RPS6KC1: variants seen among roughly 807,000 people sequenced by gnomAD.
The protein encoded by RPS6KC1 is ribosomal protein S6 kinase C1, also known as inactive ribosomal protein S6 kinase delta-1.
In RPS6KC1, 54 loss-of-function variants were observed where a neutral mutation model predicts 103.8. The observed-to-expected ratio is 0.52, with a 90% CI of 0.42 to 0.65. RPS6KC1 has a LOEUF of 0.65. RPS6KC1 is among the 30% of genes least tolerant of loss of function. The pLI is 0.00. For synonymous variants in RPS6KC1, 439 were observed against 438.7 expected, an observed-to-expected ratio of 1.00 and a Z score of -0.01; for missense variants, 1,151 against 1,253.8, an observed-to-expected ratio of 0.92 and a Z score of 1.24.
At chr1:213,262,479 C>G (rs1292511257) in intron 13 of RPS6KC1, among the ~76,000 whole-genome samples, 1 of 152,118 alleles carries the variant, frequency 6.6e-6, no homozygotes, top group Non-Finnish European at 1.5e-5. Flanking sequence ...AATTTTATAA[C>G]TAAGGACGAC....
chr1:213,465,308 G>T, the RPS6KC1 span, among the ~76,000 whole-genome samples: 1 of 152,160 alleles, frequency 6.6e-6, no homozygotes, highest in South Asian at 2.1e-4. Context: ...GGGCTATCTT[G>T]TGGTTGCTGT....
chr1:213,408,404 G>T, the RPS6KC1 span, among the ~76,000 whole-genome samples: 4 of 152,196 alleles, frequency 2.6e-5, no homozygotes, highest in African/African-American at 9.7e-5. Context: ...TGGTTAGGCT[G>T]CAGTACCTAG....
the RPS6KC1 span, among the ~76,000 whole-genome samples, chr1:213,630,861 G>A: frequency 3.3e-5 from 5 of 152,174 alleles, no homozygotes; most frequent in African/African-American, 1.2e-4. Flanking sequence ...TGTTTTCCTG[G>A]GTATAAGCAG....
the RPS6KC1 span, among the ~76,000 whole-genome samples, chr1:213,814,219 C>A: frequency 6.6e-6 from 1 of 152,246 alleles, no homozygotes; most frequent in African/African-American, 2.4e-5. Flanking sequence ...AATACTCCTG[C>A]CTTCCGTGTC....
the RPS6KC1 span, among the ~76,000 whole-genome samples, chr1:213,809,866 A>G: frequency 5.3e-5 from 8 of 152,288 alleles, no homozygotes; most frequent in East Asian, 3.9e-4. Context: ...TTCTAAACCA[A>G]TTGTGATTAC....
chr1:213,123,855 C>T (rs78298652), intron 5 of RPS6KC1, among the ~76,000 whole-genome samples: 2,892 of 152,212 alleles, frequency 0.019, 95 homozygotes, highest in African/African-American at 0.064. Flanking sequence ...TATATAGTCA[C>T]CCATGAGAGA....
intron 14 of RPS6KC1, among the ~76,000 whole-genome samples, chr1:213,266,373 T>C (rs2094912108): frequency 6.6e-6 from 1 of 152,336 alleles, no homozygotes; most frequent in African/African-American, 2.4e-5. Context: ...TATATTGGAC[T>C]ACAAATGTTG....
the RPS6KC1 span, among the ~76,000 whole-genome samples, chr1:213,510,366 T>G: frequency 6.6e-6 from 1 of 152,228 alleles, no homozygotes; most frequent in Non-Finnish European, 1.5e-5. Flanking sequence ...TCTTTGTCAT[T>G]TAAGCTCATC....
At chr1:213,556,494 A>C in the RPS6KC1 span, among the ~76,000 whole-genome samples, 1 of 152,202 alleles carries the variant, frequency 6.6e-6, no homozygotes, top group African/African-American at 2.4e-5. Flanking sequence ...CAGAGGGAGC[A>C]GGCTTACCTA....
At chr1:213,797,355 C>T in the RPS6KC1 span, among the ~76,000 whole-genome samples, 2,907 of 152,098 alleles carry the variant, frequency 0.019, 109 homozygotes, top group African/African-American at 0.067. Flanking sequence ...GCAAATGAAC[C>T]CTGTGTTCAT....
the RPS6KC1 span, among the ~76,000 whole-genome samples, chr1:213,510,799 A>G: frequency 0.023 from 3,442 of 152,188 alleles, 96 homozygotes; most frequent in African/African-American, 0.068. Context: ...TGTTTTCCAG[A>G]CTTTCCCTAT....
the RPS6KC1 span, among the ~76,000 whole-genome samples, chr1:213,795,517 T>G: frequency 1.3e-5 from 2 of 152,154 alleles, no homozygotes; most frequent in African/African-American, 4.8e-5. Flanking sequence ...GTGTCACAGA[T>G]TTTTAAAAAA....
intron 4 of RPS6KC1, among the ~76,000 whole-genome samples, chr1:213,109,533 A>C (rs562230513): frequency 1.3e-5 from 2 of 152,286 alleles, no homozygotes; most frequent in African/African-American, 4.8e-5. Context: ...TTTTAATCTT[A>C]TGATGCTGTT....
intron 6 of RPS6KC1, among the ~76,000 whole-genome samples, chr1:213,146,889 T>C (rs1012268276): frequency 1.3e-5 from 2 of 152,210 alleles, no homozygotes; most frequent in African/African-American, 4.8e-5. Flanking sequence ...ATATAAGCCA[T>C]TTTAACTGGG....
At chr1:213,524,328 A>G in the RPS6KC1 span, among the ~76,000 whole-genome samples, 2 of 151,834 alleles carry the variant, frequency 1.3e-5, no homozygotes, top group African/African-American at 4.8e-5. Context: ...CAGCCCAGGC[A>G]GCTCAGTGGT....
At chr1:213,206,421 G>T (rs1558536247) in intron 8 of RPS6KC1, among the ~76,000 whole-genome samples, 1 of 152,146 alleles carries the variant, frequency 6.6e-6, no homozygotes, top group African/African-American at 2.4e-5. Flanking sequence ...ACTGTGTTAG[G>T]TGCTGGACAT....
At chr1:213,148,249 G>T (rs1255452015) in intron 6 of RPS6KC1, among the ~76,000 whole-genome samples, 1 of 152,140 alleles carries the variant, frequency 6.6e-6, no homozygotes, top group Non-Finnish European at 1.5e-5. Context: ...GGGCATCCTT[G>T]TCATGTTCCT....
the RPS6KC1 span, among the ~76,000 whole-genome samples, chr1:213,344,782 G>A: frequency 4.6e-5 from 7 of 152,070 alleles, no homozygotes; most frequent in South Asian, 2.1e-4. Flanking sequence ...TGATCCACCC[G>A]CCTCAGCCTC....
At chr1:213,143,305 T>C (rs770633730) in intron 6 of RPS6KC1, among the ~76,000 whole-genome samples, 3 of 152,020 alleles carry the variant, frequency 2.0e-5, no homozygotes, top group Non-Finnish European at 4.4e-5. Flanking sequence ...CCTAATCTTT[T>C]GGATGTCTGT....
Sources: allele counts gnomAD v4.1 joint callset (sites outside exome capture counted in the v4.1 genomes callset), GRCh38; gene constraint gnomAD v4.1.1; transcripts MANE v1.5; gene names NCBI Gene and HGNC (gene_info 2026-07-23, HGNC 2026-07-21).